The following EPHB2 variants were observed in gnomAD, a reference collection of about 807,000 sequenced individuals.
EPHB2 encodes the protein ephrin type-B receptor 2.
In EPHB2, 18 loss-of-function variants were observed where a neutral mutation model predicts 96.4. The observed-to-expected ratio is 0.19, with a 90% CI of 0.13 to 0.28. EPHB2 has a LOEUF of 0.28. Among genes scored for constraint, EPHB2 ranks in the 10% least tolerant of loss-of-function variants. The probability of loss-of-function intolerance (pLI) is 1.00; values close to 1 mark genes in which losing one functional copy is unlikely to be tolerated. For synonymous variants in EPHB2, 506 were observed against 534.1 expected (o/e 0.95, Z 0.72); for missense variants, 989 against 1,355.4 (o/e 0.73, Z 4.25).
intron 1 of EPHB2, among the ~76,000 whole-genome samples, chr1:22,757,408 A>G (rs1479208224): frequency 6.6e-6 from 1 of 152,192 alleles, no homozygotes; most frequent in East Asian, 1.9e-4. Context: ...GATGGGAAGG[A>G]CAGCCTCAGG....
chr1:22,828,078 A>G (rs531154451), intron 3 of EPHB2, among the ~76,000 whole-genome samples: 8 of 152,210 alleles, frequency 5.3e-5, no homozygotes, highest in Non-Finnish European at 1.0e-4. Flanking sequence ...AGAGGTGGCC[A>G]TGGGGGATCT....
At chr1:22,724,662 C>T (rs1029323811) in intron 1 of EPHB2, among the ~76,000 whole-genome samples, 1 of 152,198 alleles carries the variant, frequency 6.6e-6, no homozygotes, top group African/African-American at 2.4e-5. Context: ...ACTTTTCTCC[C>T]CCTCCTGGGT....
At chr1:22,844,244 G>A (rs1433838440) in intron 3 of EPHB2, among the ~76,000 whole-genome samples, 1 of 152,250 alleles carries the variant, frequency 6.6e-6, no homozygotes, top group Admixed American at 6.5e-5. Context: ...CAATGGCTGA[G>A]CTAACGTACA....
Position 22,917,773 on chromosome 1 carries a change from C to G in EPHB2, c.*4203C>G, listed in dbSNP as rs946724782. The G allele has an allele frequency of 9.9e-5, 15 of 152,192 alleles. No homozygotes were observed. Among genetic ancestry groups the G allele is most frequent in the African/African-American group, 3.6e-4 (15 of 41,424 alleles). 9.4% of individuals were successfully genotyped at this position (152,192 alleles called of 1,614,324 possible). A position where few individuals can be genotyped will look rare whatever the true frequency, so the allele number is the denominator to read the frequency against. On this transcript the variant is annotated 3_prime_UTR_variant, in exon 16 of 16. Coordinates refer to ENST00000374630, the MANE Select transcript of EPHB2 (RefSeq NM_017449.5). Reference sequence around the variant, plus strand: ...TTTCTGTTTCCAATGTCTCCTCTACCGTGCTCAATTAGATGATGAGAAACA... The same window carrying G: ...TTTCTGTTTCCAATGTCTCCTCTACGGTGCTCAATTAGATGATGAGAAACA...
intron 1 of EPHB2, among the ~76,000 whole-genome samples, chr1:22,719,234 C>T (rs1208982337): frequency 6.6e-6 from 1 of 152,080 alleles, no homozygotes; most frequent in South Asian, 2.1e-4. Flanking sequence ...CTGAAAGGGG[C>T]AGGAGCCACG....
chr1:22,892,929 A>T lies in EPHB2; in HGVS notation c.1474A>T (p.Thr492Ser), dbSNP rs2148566257. ...NATAIKSPTN[T>S]VTVQGLKAGA... is the part of the protein sequence containing the mutation. ...CACAGCCATAAAAAGCCCCACCAAC[A>T]CGGTCACCGTGCAGGGCCTCAAAGC... The change falls in exon 7 of 16, where the codon ACG (threonine) becomes TCG (serine). Residue 492 changes from threonine (T) to serine (S), a missense_variant. Coordinates refer to ENST00000374630, the MANE Select transcript of EPHB2 (RefSeq NM_017449.5). The T allele has an allele frequency of 6.2e-7, 1 of 1,614,108 alleles. No individual in the cohort carries two copies. The highest frequency in any genetic ancestry group is 8.5e-7 in the Non-Finnish European group (1 of 1,180,012).
chr1:22,758,717 G>T (rs889385893), intron 1 of EPHB2, among the ~76,000 whole-genome samples: 3 of 151,776 alleles, frequency 2.0e-5, no homozygotes, highest in Admixed American at 1.3e-4. Flanking sequence ...TGACACAGTG[G>T]TATGAGGGGC....
intron 1 of EPHB2, among the ~76,000 whole-genome samples, chr1:22,731,444 A>G (rs1329821055): frequency 6.6e-6 from 1 of 152,194 alleles, no homozygotes; most frequent in East Asian, 1.9e-4. Context: ...ACTGTGGACA[A>G]GTTGCTTCAC....
chr1:22,855,413 A>G (rs1390267961), intron 3 of EPHB2, among the ~76,000 whole-genome samples: 1 of 152,220 alleles, frequency 6.6e-6, no homozygotes, highest in Non-Finnish European at 1.5e-5. Flanking sequence ...CACAGCAGCC[A>G]GCAGGTAAGC....
intron 3 of EPHB2, among the ~76,000 whole-genome samples, chr1:22,847,949 C>G (rs1484065760): frequency 6.6e-6 from 1 of 152,112 alleles, no homozygotes; most frequent in Non-Finnish European, 1.5e-5. Context: ...TCCTGGGTAC[C>G]CCTAGCTAAT....
chr1:22,776,511 A>T (rs984031934), intron 1 of EPHB2, among the ~76,000 whole-genome samples: 1 of 152,204 alleles, frequency 6.6e-6, no homozygotes, highest in Non-Finnish European at 1.5e-5. Context: ...GGAGATAGAA[A>T]CATTTCCAGA....
At chr1:22,779,429 T>C (rs1644497857) in intron 1 of EPHB2, among the ~76,000 whole-genome samples, 1 of 152,086 alleles carries the variant, frequency 6.6e-6, no homozygotes, top group African/African-American at 2.4e-5. Flanking sequence ...CTGCATCCTC[T>C]CTTGTCAGCT....
chr1:22,867,005 C>CT (rs1332526850), intron 5 of EPHB2, among the ~76,000 whole-genome samples: 1 of 152,212 alleles, frequency 6.6e-6, no homozygotes, highest in Non-Finnish European at 1.5e-5. Context: ...CATGACCTCA[C>CT]TGCATCCTTG....
At chr1:22,901,153 T>G (rs1639735466) in intron 9 of EPHB2, among the ~76,000 whole-genome samples, 1 of 152,252 alleles carries the variant, frequency 6.6e-6, no homozygotes, top group Non-Finnish European at 1.5e-5. Context: ...TGCTTTGGAA[T>G]AATATTTAAT....
chr1:22,858,255 A>G lies in EPHB2; in HGVS notation c.812-4782A>G, dbSNP rs1356018375. ...AGGAGGGGGAAGCGTCCAGGAGACC[A>G]TCAGGACCAACCTCACAGGCCTTGT... On this transcript the variant is annotated intron_variant, in intron 3 of 15. Coordinates refer to ENST00000374630, the MANE Select transcript of EPHB2 (RefSeq NM_017449.5). This position sits in a 1 kb window ranked among gnomAD's most constrained non-coding sequence, Gnocchi z 7.7. Among the ~76,000 whole-genome samples the G allele has an allele frequency of 2.6e-5, 4 of 152,326 alleles. No homozygotes were observed. In the East Asian group the frequency reaches 7.7e-4, roughly 29 times the overall value.
intron 3 of EPHB2, among the ~76,000 whole-genome samples, chr1:22,808,405 A>G (rs7541752): frequency 0.94 from 143,162 of 152,296 alleles, 67,929 homozygotes; most frequent in East Asian, 1. Flanking sequence ...AATGATGGCA[A>G]GTGAGAGGCC....
intron 3 of EPHB2, among the ~76,000 whole-genome samples, chr1:22,802,296 G>T (rs1644855897): frequency 6.6e-6 from 1 of 152,176 alleles, no homozygotes; most frequent in South Asian, 2.1e-4. Context: ...GTCTACAGTG[G>T]AGTGGGCACC....
intron 5 of EPHB2, among the ~76,000 whole-genome samples, chr1:22,869,102 T>C (rs1206090224): frequency 6.6e-6 from 1 of 151,600 alleles, no homozygotes; most frequent in Non-Finnish European, 1.5e-5. Flanking sequence ...AACAAGTCTT[T>C]CCCCCTCCTC....
chr1:22,828,514 G>C (rs1198121258), intron 3 of EPHB2, among the ~76,000 whole-genome samples: 1 of 152,142 alleles, frequency 6.6e-6, no homozygotes, highest in Non-Finnish European at 1.5e-5. Flanking sequence ...GTAAAAGAAA[G>C]CTGGAGACCT....
Sources: allele counts gnomAD v4.1 joint callset (sites outside exome capture counted in the v4.1 genomes callset), GRCh38; gene constraint gnomAD v4.1.1; non-coding constraint Gnocchi (gnomAD v3.1); transcripts MANE v1.5; gene names NCBI Gene and HGNC (gene_info 2026-07-23, HGNC 2026-07-21).